Variants in SRSF12 observed in about 807,000 individuals in gnomAD.
SRSF12 encodes serine and arginine rich splicing factor 12.
A neutral mutation model predicts 34.1 loss-of-function variants in SRSF12; 21 were observed. The observed-to-expected ratio is 0.62, with a 90% CI of 0.44 to 0.89. The LOEUF is 0.89. Ranked by LOEUF, SRSF12 falls within the 40% of genes least tolerant of loss-of-function variation. The pLI, the probability that SRSF12 is intolerant of heterozygous loss-of-function variation, is 0.00. For missense variants in SRSF12, 278 were observed against 327.8 expected (o/e 0.85, Z 1.17); for synonymous variants, 111 against 110.8 (o/e 1.00, Z -0.01).
intron 1 of SRSF12, among the ~76,000 whole-genome samples, chr6:89,110,614 G>T (rs1474622594): frequency 6.6e-6 from 1 of 152,128 alleles, no homozygotes; most frequent in Non-Finnish European, 1.5e-5. Flanking sequence ...TTTGTTACTT[G>T]GGTGTAGAGA....
At chr6:89,104,054 C>G (rs533969192) in intron 4 of SRSF12, among the ~76,000 whole-genome samples, 26 of 115,998 alleles carry the variant, frequency 2.2e-4, no homozygotes, top group African/African-American at 7.2e-4. Flanking sequence ...CCAGGCTAGT[C>G]TCAAACTCCT....
intron 1 of SRSF12, among the ~76,000 whole-genome samples, chr6:89,117,541 G>A (rs1405959769): frequency 6.6e-6 from 1 of 152,198 alleles, no homozygotes; most frequent in East Asian, 1.9e-4. Flanking sequence ...GTGTCCCACG[G>A]CCCGCCGGCT....
At chr6:89,108,026 A>C (rs1768876577) in intron 1 of SRSF12, among the ~76,000 whole-genome samples, 1 of 152,240 alleles carries the variant, frequency 6.6e-6, no homozygotes. Flanking sequence ...ATTCTAAAGA[A>C]GTCCTAAAAT....
chr6:89,117,724 AGCTCCCCCGAGC>A (rs1198259482), intron 1 of SRSF12, 87 bp downstream of exon 1: 2 of 1,218,908 alleles, frequency 1.6e-6, no homozygotes, highest in South Asian at 3.7e-5. Flanking sequence ...GGCTCCGCGC[AGCTCCCCCGAGC>A]CTCCGCCGGG....
intron 4 of SRSF12, among the ~76,000 whole-genome samples, chr6:89,103,150 C>T (rs1768615014): frequency 6.6e-6 from 1 of 152,010 alleles, no homozygotes; most frequent in African/African-American, 2.4e-5. Context: ...ATAGCATTGC[C>T]CTGAAAGATG....
chr6:89,114,217 C>G (rs1354051824), intron 1 of SRSF12, among the ~76,000 whole-genome samples: 1 of 152,170 alleles, frequency 6.6e-6, no homozygotes, highest in Non-Finnish European at 1.5e-5. Flanking sequence ...TACCTGACAT[C>G]AAGAGTTCGA....
intron 4 of SRSF12, among the ~76,000 whole-genome samples, chr6:89,103,843 C>A (rs1768651470): frequency 6.6e-6 from 1 of 152,182 alleles, no homozygotes; most frequent in South Asian, 2.1e-4. Context: ...TTGAAAATAT[C>A]TTTTCCCCTG....
intron 4 of SRSF12, among the ~76,000 whole-genome samples, chr6:89,104,627 A>AG (rs1415872532): frequency 6.6e-6 from 1 of 152,200 alleles, no homozygotes; most frequent in Non-Finnish European, 1.5e-5. Flanking sequence ...CTTTAACAGA[A>AG]GAATTAATCC....
intron 4 of SRSF12, among the ~76,000 whole-genome samples, chr6:89,104,472 G>A (rs1456976860): frequency 6.6e-6 from 1 of 151,888 alleles, no homozygotes; most frequent in Non-Finnish European, 1.5e-5. Flanking sequence ...TCCTGACCTC[G>A]AGATCTGCCC....
intron 4 of SRSF12, among the ~76,000 whole-genome samples, chr6:89,099,462 ATG>A (rs1160693790): frequency 8.9e-5 from 13 of 145,292 alleles, no homozygotes; most frequent in Non-Finnish European, 1.5e-4. Flanking sequence ...GTGTGTATAT[ATG>A]TGTGTGTATA....
At position 89,099,450 on chromosome 6, in the gene SRSF12, A is replaced by ATG. The variant is rs1405711927; in HGVS notation, c.417-505_417-504dup. The stretch of plus-strand genomic sequence containing the variant: ...TGTGTGTATATATATACACATATAT[A>ATG]TGTGTGTATATATGTGTGTGTATAT... On this transcript the variant is annotated intron_variant, in intron 4 of 4. Coordinates refer to ENST00000452027, the MANE Select transcript of SRSF12 (RefSeq NM_080743.5). Among the ~76,000 whole-genome samples, 195 of 138,688 alleles carry ATG rather than the reference A, an allele frequency of 1.4e-3. 1 individual carries two copies. The highest frequency in any genetic ancestry group is 3.6e-3 in the Middle Eastern group (1 of 276). The allele number at this position is 138,688 out of a possible 152,430, so 91.0% of individuals were successfully genotyped here.
At chr6:89,112,526 A>G (rs1373973693) in intron 1 of SRSF12, among the ~76,000 whole-genome samples, 1 of 147,442 alleles carries the variant, frequency 6.8e-6, no homozygotes, top group African/African-American at 2.5e-5. Context: ...AACTTGCTCC[A>G]ACCTTGAACT....
intron 1 of SRSF12, among the ~76,000 whole-genome samples, chr6:89,112,360 AATTTGAAAAAT>A (rs1769092142): frequency 6.6e-6 from 1 of 152,112 alleles, no homozygotes; most frequent in Non-Finnish European, 1.5e-5. Context: ...TAGTAAATAA[AATTTGAAAAAT>A]ATTTGAAAAA....
At chr6:89,101,647 G>A (rs1225120816) in intron 4 of SRSF12, among the ~76,000 whole-genome samples, 5 of 151,942 alleles carry the variant, frequency 3.3e-5, no homozygotes, top group African/African-American at 9.7e-5. Context: ...GTAGTGAGCC[G>A]AGATTGTGCC....
chr6:89,110,253 T>C lies in SRSF12; in HGVS notation c.66-2995A>G, dbSNP rs28366552. 2.0e-4 allele frequency among the ~76,000 whole-genome samples: 31 copies of C among 152,220 alleles called. No homozygotes were observed. In the East Asian group the frequency reaches 5.8e-3, roughly 28 times the overall value. ...GAATTGGACAAAATGCACAAAGCAA[T>C]GAAAAAATGAAGCAATGAAAGCACA... On this transcript the variant is annotated intron_variant, in intron 1 of 4. Coordinates refer to ENST00000452027, the MANE Select transcript of SRSF12 (RefSeq NM_080743.5).
At position 89,098,486 on chromosome 6, in the gene SRSF12, C is replaced by T; in HGVS notation, c.*92G>A. On this transcript the variant is annotated 3_prime_UTR_variant, in exon 5 of 5. Transcript: ENST00000452027. The stretch of plus-strand genomic sequence containing the variant: ...GCCCAAAGTAACTAATATCAACTCG[C>T]ATTTTCTGTATGCCTTAAAGAATTT... The T allele has an allele frequency of 1.4e-6, 2 of 1,443,026 alleles. No homozygotes were observed. Among genetic ancestry groups the T allele is most frequent in the Non-Finnish European group, 1.8e-6 (2 of 1,089,436 alleles). The allele number at this position is 1,443,026 out of a possible 1,614,324, so 89.4% of individuals were successfully genotyped here.
chr6:89,101,109 C>CAAAAAA (rs764910655), intron 4 of SRSF12, among the ~76,000 whole-genome samples: 6 of 54,534 alleles, frequency 1.1e-4, no homozygotes, highest in Non-Finnish European at 1.9e-4. Context: ...ACCTCCAAGA[C>CAAAAAA]AAAAAAAAAA....
intron 1 of SRSF12, among the ~76,000 whole-genome samples, chr6:89,117,566 C>T (rs778976498): frequency 1.6e-4 from 25 of 152,282 alleles, no homozygotes; most frequent in Admixed American, 3.3e-4. Context: ...TGCTGAACCG[C>T]GGAAAGCGAC....
At position 89,098,576 on chromosome 6, in the gene SRSF12, G is replaced by C. The variant is rs76339754; in HGVS notation, c.*2C>G. ...ACGGCGTGGTGCTCTTTCTGTTGCT[G>C]TTCACCAACTGTTTTTATGACGATA... On this transcript the variant is annotated 3_prime_UTR_variant, in exon 5 of 5. Transcript: ENST00000452027. 9.3e-4 allele frequency: 1,499 copies of C among 1,606,096 alleles called. 10 individuals carry two copies. In the African/African-American group the frequency reaches 0.018, roughly 19 times the overall value.
Sources: gnomAD v4.1 joint callset for allele counts (sites outside exome capture counted in the v4.1 genomes callset) on GRCh38, gnomAD v4.1.1 for gene constraint, MANE v1.5 for transcripts, NCBI Gene and HGNC (gene_info 2026-07-23, HGNC 2026-07-21) for gene names.